FSD2: variants seen among roughly 807,000 people sequenced by gnomAD.
The protein encoded by FSD2 is fibronectin type III and SPRY domain containing 2, also known as fibronectin type III and SPRY domain-containing protein 2.
In FSD2, 71 loss-of-function variants were observed where a neutral mutation model predicts 80.4. The observed-to-expected ratio is 0.88, with a 90% confidence interval of 0.73 to 1.08. The LOEUF (loss-of-function observed/expected upper bound fraction) is 1.08. Among genes scored for constraint, FSD2 ranks in the 50% least tolerant of loss-of-function variants. FSD2 has a pLI of 0.00. For missense variants in FSD2, 923 were observed against 913.8 expected, an observed-to-expected ratio of 1.01 and a Z score of -0.13; for synonymous variants, 361 against 329.5, an observed-to-expected ratio of 1.10 and a Z score of -1.03.
intron 6 of FSD2, among the ~76,000 whole-genome samples, chr15:82,773,464 A>G (rs955303947): frequency 6.6e-6 from 1 of 152,134 alleles, no homozygotes; most frequent in Non-Finnish European, 1.5e-5. Context: ...GGAACTTTAA[A>G]CCCCTCAGGA....
rs1179022433 is a variant in FSD2, at chr15:82,757,651, C to T, written c.*1697G>A. ...CCGGCCGAGAACATTTTTAAATATA[C>T]ATGATATGTATCTTTTAATTGTTTA... On this transcript the variant is annotated 3_prime_UTR_variant, in exon 13 of 13. Transcript: ENST00000334574. The T allele has an allele frequency of 2.0e-5, 3 of 152,094 alleles. No individual in the cohort carries two copies. The East Asian group carries it at 5.8e-4, about 29-fold the overall frequency. 9.4% of individuals were successfully genotyped at this position (152,094 alleles called of 1,614,324 possible). A position where few individuals can be genotyped will look rare whatever the true frequency, so the allele number is the denominator to read the frequency against.
intron 1 of FSD2, among the ~76,000 whole-genome samples, chr15:82,793,705 T>C (rs1014597245): frequency 6.6e-6 from 1 of 152,200 alleles, no homozygotes; most frequent in Admixed American, 6.5e-5. Context: ...GCCTATTTCT[T>C]CTTGGGTCTG....
intron 7 of FSD2, among the ~76,000 whole-genome samples, chr15:82,770,719 A>G (rs1596235847): frequency 2.0e-5 from 3 of 148,280 alleles, no homozygotes; most frequent in African/African-American, 7.5e-5. Context: ...ATTTTAAGCC[A>G]CTAAGTTGTA....
In FSD2 at chr15:82,768,594, T is replaced by TTGAATGAA. The variant is rs3047206; in HGVS notation, c.1553+278_1553+285dup. 7.8e-3 allele frequency among the ~76,000 whole-genome samples: 1,180 copies of TTGAATGAA among 151,170 alleles called. 12 individuals are homozygous for TTGAATGAA. Among genetic ancestry groups the TTGAATGAA allele is most frequent in the African/African-American group, 0.022 (914 of 41,066 alleles). On this transcript the variant is annotated intron_variant, in intron 9 of 12. Coordinates refer to ENST00000334574, the MANE Select transcript of FSD2 (RefSeq NM_001007122.4). Reference sequence around the variant, plus strand: ...ACACCACCCAGGCACTCAATGCATGTTGAATGAATGAATGAATGAATGAAT... The same window carrying TTGAATGAA: ...ACACCACCCAGGCACTCAATGCATGTTGAATGAATGAATGAATGAATGAATGAATGAAT...
chr15:82,797,819 A>T (rs1184570252), intron 1 of FSD2, among the ~76,000 whole-genome samples: 1 of 152,076 alleles, frequency 6.6e-6, no homozygotes, highest in Admixed American at 6.6e-5. Context: ...CAAAAATAAC[A>T]ATAATAATTA....
At chr15:82,800,921 A>G (rs1352895109) in intron 1 of FSD2, among the ~76,000 whole-genome samples, 1 of 152,132 alleles carries the variant, frequency 6.6e-6, no homozygotes, top group Non-Finnish European at 1.5e-5. Flanking sequence ...GTGGTGATTT[A>G]AAATGCTAAT....
At chr15:82,791,841 C>G (rs781723940) in intron 1 of FSD2, among the ~76,000 whole-genome samples, 1 of 152,182 alleles carries the variant, frequency 6.6e-6, no homozygotes, top group Non-Finnish European at 1.5e-5. Flanking sequence ...AGTATGTGAT[C>G]TTTTGTAACT....
At chr15:82,783,551 A>G (rs1350522635) in intron 3 of FSD2, among the ~76,000 whole-genome samples, 1 of 152,204 alleles carries the variant, frequency 6.6e-6, no homozygotes, top group African/African-American at 2.4e-5. Flanking sequence ...AATAATCTAA[A>G]CAAAAGCACT....
chr15:82,764,759 T>C (rs900393624), intron 11 of FSD2, among the ~76,000 whole-genome samples: 1 of 152,204 alleles, frequency 6.6e-6, no homozygotes, highest in Non-Finnish European at 1.5e-5. Context: ...ATTACAGGCA[T>C]GAGCCACCGT....
At chr15:82,779,340 A>G (rs765744808) in intron 5 of FSD2, among the ~76,000 whole-genome samples, 25 of 152,134 alleles carry the variant, frequency 1.6e-4, no homozygotes, top group Non-Finnish European at 3.1e-4. Flanking sequence ...GCTTCCTGGC[A>G]GTCACAAGGT....
rs528487821 is a variant in FSD2 at position 82,760,724 on chromosome 15, C to T, written c.1998-1124G>A. Among the ~76,000 whole-genome samples, 20 of 111,010 alleles carry T rather than the reference C, an allele frequency of 1.8e-4. No individual in the cohort carries two copies. The South Asian group carries it at 1.9e-3, about 10-fold the overall frequency. 72.8% of individuals were successfully genotyped at this position (111,010 alleles called of 152,430 possible). ...ATTCTCCACTTGTAACGTGTGTGCA[C>T]GTGTGTGCGTGCACGCACACACACA... On this transcript the variant is annotated intron_variant, in intron 12 of 12. Coordinates refer to ENST00000334574, the MANE Select transcript of FSD2 (RefSeq NM_001007122.4).
intron 4 of FSD2, among the ~76,000 whole-genome samples, chr15:82,781,501 C>A (rs544863799): frequency 1.3e-5 from 2 of 152,292 alleles, no homozygotes; most frequent in African/African-American, 4.8e-5. Flanking sequence ...GCCCTGGACA[C>A]CACATCTTCC....
chr15:82,790,385 C>A (rs1329922810), intron 1 of FSD2, among the ~76,000 whole-genome samples: 1 of 152,208 alleles, frequency 6.6e-6, no homozygotes, highest in Non-Finnish European at 1.5e-5. Flanking sequence ...TCTGGCAGCT[C>A]TTCCAGCCTT....
chr15:82,766,575 C>T (rs569967708), intron 9 of FSD2, among the ~76,000 whole-genome samples: 1 of 152,128 alleles, frequency 6.6e-6, no homozygotes, highest in African/African-American at 2.4e-5. Flanking sequence ...AACCCCGTCT[C>T]TACTAAAAAT....
intron 1 of FSD2, among the ~76,000 whole-genome samples, chr15:82,789,600 C>T (rs1186196199): frequency 3.3e-5 from 5 of 152,082 alleles, no homozygotes; most frequent in Admixed American, 6.6e-5. Context: ...GAGCCTTAAT[C>T]GGTGTGGCAG....
At chr15:82,790,818 C>T (rs975752310) in intron 1 of FSD2, among the ~76,000 whole-genome samples, 1 of 150,334 alleles carries the variant, frequency 6.7e-6, no homozygotes, top group African/African-American at 2.5e-5. Flanking sequence ...ATCTCCTGAC[C>T]TCGTGATCCG....
chr15:82,798,255 G>A (rs996368389), intron 1 of FSD2, among the ~76,000 whole-genome samples: 3 of 152,112 alleles, frequency 2.0e-5, no homozygotes, highest in Non-Finnish European at 4.4e-5. Context: ...TAAGGTGGGA[G>A]GATCACTTTA....
intron 6 of FSD2, among the ~76,000 whole-genome samples, chr15:82,775,009 C>T (rs935383935): frequency 6.6e-6 from 1 of 151,788 alleles, no homozygotes; most frequent in Non-Finnish European, 1.5e-5. Flanking sequence ...CGTGAGCCAC[C>T]GCGCCTGGCC....
chr15:82,765,801 C>T, intron 10 of FSD2, 97 bp downstream of exon 10: 1 of 1,435,028 alleles, frequency 7.0e-7, no homozygotes, highest in Non-Finnish European at 9.3e-7. Context: ...CACATCTGTG[C>T]ATATTCATCA....
Sources: gnomAD v4.1 joint callset for allele counts (sites outside exome capture counted in the v4.1 genomes callset) on GRCh38, gnomAD v4.1.1 for gene constraint, MANE v1.5 for transcripts, NCBI Gene and HGNC (gene_info 2026-07-23, HGNC 2026-07-21) for gene names.